The following NALF2 variants were observed in gnomAD, a reference collection of about 807,000 sequenced individuals.
The protein encoded by NALF2 is NALCN channel auxiliary factor 2, also known as bB57D9.1 (TED protein).
Under a neutral mutation model 24.8 loss-of-function variants are expected in NALF2, and 1 was observed. That is an observed-to-expected ratio of 0.04 (90% CI 0.01 to 0.19). The LOEUF (loss-of-function observed/expected upper bound fraction) is 0.19. NALF2 is among the 10% of genes least tolerant of loss of function. The probability of loss-of-function intolerance (pLI) is 1.00; values close to 1 mark genes in which losing one functional copy is unlikely to be tolerated. For missense variants in NALF2, 458 were observed against 409.6 expected, an observed-to-expected ratio of 1.12 and a Z score of -1.02; for synonymous variants, 254 against 189.8, an observed-to-expected ratio of 1.34 and a Z score of -2.78.
At chrX:69,506,224 T>A in intron 1 of NALF2, 81 bp downstream of exon 1, 1 of 1,041,207 alleles carries the variant, frequency 9.6e-7, no homozygotes, top group Non-Finnish European at 1.3e-6. Flanking sequence ...AAAAAGGAAG[T>A]CTCCCTTTCT....
chrX:69,529,437 G>A (rs1930860423), intron 2 of NALF2, 134 bp from the exon 3 acceptor site: 6 of 1,038,273 alleles, frequency 5.8e-6, no homozygotes, highest in African/African-American at 3.8e-5. Flanking sequence ...GAAAGGGCAA[G>A]TGTCGAGGGC....
At chrX:69,525,778 C>T in intron 1 of NALF2, among the ~76,000 whole-genome samples, 1 of 108,419 alleles carries the variant, frequency 9.2e-6, no homozygotes, top group Non-Finnish European at 1.9e-5. Context: ...TTCTCCCCAA[C>T]CCCGTTGTTT....
At chrX:69,514,866 C>T (rs772001726) in intron 1 of NALF2, among the ~76,000 whole-genome samples, 1 of 111,876 alleles carries the variant, frequency 8.9e-6, no homozygotes, top group African/African-American at 3.2e-5. Context: ...TTTTACCCTG[C>T]TCTTTTAAAC....
In NALF2 at chrX:69,505,960, G is replaced by T; in HGVS notation, c.678G>T (p.Gly226=). The change falls in exon 1 of 3, where the codon GGG becomes GGT. Residue 226 remains glycine (G), a synonymous_variant. Coordinates refer to ENST00000252338, the MANE Select transcript of NALF2 (RefSeq NM_015686.3). ...SLDCSLDTLM[G]DLLAVVASPG... is the part of the protein sequence containing the mutation. ...ACTGTAGCCTGGACACCCTGATGGG[G>T]GACCTGCTGGCCGTGGTGGCCAGCC... is the stretch of plus-strand genomic sequence containing the variant. 3 of 1,211,938 alleles carry T rather than the reference G, an allele frequency of 2.5e-6. No homozygotes were observed. Among genetic ancestry groups the T allele is most frequent in the Non-Finnish European group, 3.4e-6 (3 of 895,474 alleles).
chrX:69,504,890 C>T lies in NALF2; in HGVS notation c.-393C>T. Among the ~76,000 whole-genome samples the T allele has an allele frequency of 9.3e-6, 1 of 107,429 alleles. No individual in the cohort carries two copies. Among genetic ancestry groups the T allele is most frequent in the Non-Finnish European group, 2.0e-5 (1 of 51,170 alleles). 93.3% of individuals were successfully genotyped at this position (107,429 alleles called of 115,157 possible). On this transcript the variant is annotated 5_prime_UTR_variant, in exon 1 of 3. Transcript: ENST00000252338. ...GAGACGGCCGGTTTGGAGTGCGAGC[C>T]GGGCGGCCGCCGGCGCGGAGTGAAG...
intron 1 of NALF2, among the ~76,000 whole-genome samples, chrX:69,526,985 C>T (rs1569260530): frequency 8.9e-6 from 1 of 112,200 alleles, no homozygotes; most frequent in African/African-American, 3.2e-5. Context: ...TGAGACCACT[C>T]TTCCTCCTGT....
In NALF2 at chrX:69,505,381, T is replaced by A; in HGVS notation, c.99T>A (p.Pro33=). ...CCWAPRPSDK[P]CADSERAQRW... ...GGGCTCCCAGGCCGAGCGACAAACC[T>A]TGCGCCGACTCCGAGCGGGCGCAGC... The change falls in exon 1 of 3, where the codon CCT becomes CCA. Residue 33 remains proline (P), a synonymous_variant. Coordinates refer to ENST00000252338, the MANE Select transcript of NALF2 (RefSeq NM_015686.3). 1.7e-6 allele frequency: 2 copies of A among 1,158,344 alleles called. No homozygotes were observed. The highest frequency in any genetic ancestry group is 2.3e-4 in the Middle Eastern group (1 of 4,267).
At chrX:69,509,398 C>T (rs1711813084) in intron 1 of NALF2, among the ~76,000 whole-genome samples, 1 of 110,265 alleles carries the variant, frequency 9.1e-6, no homozygotes, top group African/African-American at 3.3e-5. Context: ...TGTCTCTTTC[C>T]TACTCTCTCT....
At chrX:69,522,121 T>C (rs1930743521) in intron 1 of NALF2, among the ~76,000 whole-genome samples, 1 of 111,943 alleles carries the variant, frequency 8.9e-6, no homozygotes, top group Middle Eastern at 4.6e-3. Flanking sequence ...TCTGAAGATA[T>C]GGGCTGCCCT....
intron 1 of NALF2, among the ~76,000 whole-genome samples, chrX:69,518,110 G>A (rs1366546514): frequency 1.8e-5 from 2 of 111,734 alleles, no homozygotes; most frequent in Non-Finnish European, 3.8e-5. Context: ...AGCTCCCCTC[G>A]TCTCATCTTA....
At chrX:69,511,200 A>G (rs1275185388) in intron 1 of NALF2, among the ~76,000 whole-genome samples, 2 of 102,725 alleles carry the variant, frequency 1.9e-5, no homozygotes, top group African/African-American at 7.3e-5. Flanking sequence ...TCCTCTCAAC[A>G]GTCAGCCCCT....
At chrX:69,524,106 T>C (rs1022031197) in intron 1 of NALF2, among the ~76,000 whole-genome samples, 3 of 108,961 alleles carry the variant, frequency 2.8e-5, no homozygotes, top group Admixed American at 9.7e-5. Flanking sequence ...TTTTCTTTTT[T>C]TTTTTTTTTT....
intron 1 of NALF2, among the ~76,000 whole-genome samples, chrX:69,514,535 C>T (rs1157249225): frequency 1.8e-5 from 2 of 111,575 alleles, no homozygotes; most frequent in African/African-American, 6.5e-5. Flanking sequence ...CATTGGTGTA[C>T]AGGTATCCTT....
rs1421446287 is a variant in NALF2 at position 69,505,315 on chromosome X, A to G, written c.33A>G (p.Lys11=). The G allele has an allele frequency of 1.7e-6, 2 of 1,155,801 alleles. No individual in the cohort carries two copies. Among genetic ancestry groups the G allele is most frequent in the Non-Finnish European group, 2.3e-6 (2 of 867,802 alleles). The part of the protein sequence containing the change: MFRGAWMWPG[K]DAAALTICCC... Reference sequence around the variant, plus strand: ...GGGGCGCTTGGATGTGGCCCGGGAAAGACGCCGCCGCGCTGACTATCTGCT... The same window carrying G: ...GGGGCGCTTGGATGTGGCCCGGGAAGGACGCCGCCGCGCTGACTATCTGCT... Residue 11 remains lysine, a synonymous_variant, in exon 1 of 3, where the codon AAA becomes AAG. Transcript: ENST00000252338.
rs1204805126 is a variant in NALF2, at chrX:69,530,016, G to T, written c.*60G>T. 2 of 916,032 alleles carry T rather than the reference G, an allele frequency of 2.2e-6. No homozygotes were observed. The highest frequency in any genetic ancestry group is 2.0e-5 in the African/African-American group (1 of 50,365). 75.5% of individuals were successfully genotyped at this position (916,032 alleles called of 1,213,427 possible). On this transcript the variant is annotated 3_prime_UTR_variant, in exon 3 of 3. Coordinates refer to ENST00000252338, the MANE Select transcript of NALF2 (RefSeq NM_015686.3). The stretch of plus-strand genomic sequence containing the variant: ...ACATCAGCTCCAGCTCCCCCAGGTT[G>T]GGGGGGAGGGGGCTCCTCCCATGGG...
chrX:69,514,085 C>T (rs1027193120), intron 1 of NALF2, among the ~76,000 whole-genome samples: 2 of 109,758 alleles, frequency 1.8e-5, no homozygotes, highest in Admixed American at 9.7e-5. Flanking sequence ...CCCAGCTACT[C>T]GGGGTGAGAC....
intron 1 of NALF2, among the ~76,000 whole-genome samples, chrX:69,520,477 A>G (rs898025357): frequency 1.8e-5 from 2 of 111,878 alleles, no homozygotes; most frequent in Non-Finnish European, 3.8e-5. Context: ...GCCTAACTTC[A>G]GAGGGTGTGG....
chrX:69,515,701 G>C (rs142612691), intron 1 of NALF2, among the ~76,000 whole-genome samples: 1 of 111,948 alleles, frequency 8.9e-6, no homozygotes, highest in Non-Finnish European at 1.9e-5. Context: ...TTACTGACTC[G>C]TACATGCTTT....
At chrX:69,508,434 T>A (rs978012239) in intron 1 of NALF2, among the ~76,000 whole-genome samples, 4 of 110,764 alleles carry the variant, frequency 3.6e-5, no homozygotes, top group African/African-American at 1.3e-4. Context: ...CACATCAAGT[T>A]CCTGATGGCC....
Sources: allele counts gnomAD v4.1 joint callset (sites outside exome capture counted in the v4.1 genomes callset), GRCh38; gene constraint gnomAD v4.1.1; transcripts MANE v1.5; gene names NCBI Gene and HGNC (gene_info 2026-07-23, HGNC 2026-07-21).